The following EXOC4 variants were observed in gnomAD, a reference collection of about 807,000 sequenced individuals.
EXOC4 encodes the protein SEC8-like 1.
In EXOC4, 71 loss-of-function variants were observed where a neutral mutation model predicts 107.2. That is an observed-to-expected ratio of 0.66 (90% CI 0.55 to 0.81). The LOEUF is 0.81. EXOC4 is among the 30% of genes least tolerant of loss of function. The probability of loss-of-function intolerance (pLI) is 0.00; values close to 1 mark genes in which losing one functional copy is unlikely to be tolerated. For synonymous variants in EXOC4, 456 were observed against 441.2 expected (o/e 1.03, Z -0.42); for missense variants, 1,108 against 1,189.6 (o/e 0.93, Z 1.01).
intron 9 of EXOC4, among the ~76,000 whole-genome samples, chr7:133,513,936 C>T (rs906388816): frequency 1.3e-5 from 2 of 152,116 alleles, no homozygotes; most frequent in African/African-American, 4.8e-5. Flanking sequence ...TTGGCTGTTC[C>T]ATTGGGTAGT....
chr7:133,860,366 C>T (rs61250332), intron 11 of EXOC4, among the ~76,000 whole-genome samples: 1 of 152,300 alleles, frequency 6.6e-6, no homozygotes, highest in East Asian at 1.9e-4. Flanking sequence ...GCTAACAGAG[C>T]ATGAGAGAAC....
At chr7:133,941,821 T>TTCTCTCTCTCTCTCTGTC (rs1800435769) in intron 14 of EXOC4, among the ~76,000 whole-genome samples, 1 of 129,544 alleles carries the variant, frequency 7.7e-6, no homozygotes, top group African/African-American at 2.8e-5. Flanking sequence ...TGCTTACAGA[T>TTCTCTCTCTCTCTCTGTC]TCTCTCTCTC....
At chr7:133,522,018 A>G (rs1799991124) in intron 9 of EXOC4, among the ~76,000 whole-genome samples, 1 of 151,984 alleles carries the variant, frequency 6.6e-6, no homozygotes, top group Admixed American at 6.6e-5. Context: ...TGAGTAGTTT[A>G]TGACTCCTGT....
Position 133,963,502 on chromosome 7 carries a change from G to T in EXOC4, c.2206+25433G>T, listed in dbSNP as rs550040915. Reference sequence around the variant, plus strand: ...AACGCCAACACCTGAGGGTGTTTCTGACAAGGCAAGGAGTGAAAGGAAAGT... The same window carrying T: ...AACGCCAACACCTGAGGGTGTTTCTTACAAGGCAAGGAGTGAAAGGAAAGT... On this transcript the variant is annotated intron_variant, in intron 14 of 17. Transcript: ENST00000253861. Among the ~76,000 whole-genome samples the T allele has an allele frequency of 6.6e-5, 10 of 152,306 alleles. No individual in the cohort carries two copies. The South Asian group carries it at 1.7e-3, about 25-fold the overall frequency.
intron 10 of EXOC4, among the ~76,000 whole-genome samples, chr7:133,785,731 G>A (rs1185976123): frequency 3.3e-5 from 5 of 151,538 alleles, no homozygotes; most frequent in Non-Finnish European, 5.9e-5. Context: ...GGAGTGCAGT[G>A]GTGCTATCTC....
intron 15 of EXOC4, among the ~76,000 whole-genome samples, chr7:134,004,103 AT>A (rs1309742165): frequency 6.6e-6 from 1 of 151,904 alleles, no homozygotes; most frequent in Non-Finnish European, 1.5e-5. Flanking sequence ...TCTTTTAGTC[AT>A]TTTTTTCTTA....
the EXOC4 span, among the ~76,000 whole-genome samples, chr7:134,084,136 G>A: frequency 6.6e-6 from 1 of 152,160 alleles, no homozygotes. Context: ...AATCAGCCTG[G>A]AAACATGACT....
intron 10 of EXOC4, among the ~76,000 whole-genome samples, chr7:133,632,138 A>G (rs1802606791): frequency 6.6e-6 from 1 of 151,990 alleles, no homozygotes; most frequent in Non-Finnish European, 1.5e-5. Context: ...TTTGTAGAAG[A>G]CTCTGGTGGA....
At chr7:133,550,331 G>A (rs1800561065) in intron 9 of EXOC4, among the ~76,000 whole-genome samples, 2 of 152,074 alleles carry the variant, frequency 1.3e-5, no homozygotes, top group Admixed American at 6.6e-5. Context: ...TTTCATACCC[G>A]AATGTACTGT....
intron 14 of EXOC4, among the ~76,000 whole-genome samples, chr7:133,957,166 A>G (rs1478698873): frequency 1.3e-5 from 2 of 152,182 alleles, no homozygotes; most frequent in African/African-American, 2.4e-5. Flanking sequence ...TCATTTCTTC[A>G]TTAGAGATTA....
intron 9 of EXOC4, among the ~76,000 whole-genome samples, chr7:133,534,172 A>G (rs1800231886): frequency 6.6e-6 from 1 of 152,118 alleles, no homozygotes; most frequent in Admixed American, 6.6e-5. Flanking sequence ...CTTTGGTTCT[A>G]TGTATTCATG....
intron 10 of EXOC4, among the ~76,000 whole-genome samples, chr7:133,761,663 T>C (rs556023683): frequency 6.6e-6 from 1 of 152,218 alleles, no homozygotes; most frequent in Non-Finnish European, 1.5e-5. Flanking sequence ...CCCATCCCAC[T>C]GTATTGCCTG....
At chr7:133,324,455 C>CATTTTGTT (rs980483813) in intron 5 of EXOC4, among the ~76,000 whole-genome samples, 4 of 152,180 alleles carry the variant, frequency 2.6e-5, no homozygotes, top group Non-Finnish European at 5.9e-5. Context: ...TTTCTGCCTT[C>CATTTTGTT]ATTTTGTTAT....
chr7:133,855,125 A>AAATATATATC (rs1798340472), intron 11 of EXOC4, among the ~76,000 whole-genome samples: 3 of 72,366 alleles, frequency 4.1e-5, no homozygotes, highest in Non-Finnish European at 7.7e-5. Context: ...ATATATATAT[A>AAATATATATC]TAAATATATA....
At chr7:133,874,401 T>C (rs776182621) in intron 11 of EXOC4, among the ~76,000 whole-genome samples, 4 of 152,220 alleles carry the variant, frequency 2.6e-5, no homozygotes, top group Non-Finnish European at 5.9e-5. Context: ...AGTTCATTAG[T>C]TCTTCTCAAG....
intron 15 of EXOC4, among the ~76,000 whole-genome samples, chr7:133,999,504 C>A (rs1272119882): frequency 6.6e-6 from 1 of 152,116 alleles, no homozygotes; most frequent in Non-Finnish European, 1.5e-5. Context: ...AAATAAAGCT[C>A]TTTCTGTATA....
At chr7:133,408,858 T>G (rs1797288964) in intron 7 of EXOC4, among the ~76,000 whole-genome samples, 1 of 152,222 alleles carries the variant, frequency 6.6e-6, no homozygotes, top group African/African-American at 2.4e-5. Flanking sequence ...GGGACTAGTA[T>G]AAGATGGTCA....
rs78815810 is a variant in EXOC4 at position 133,473,706 on chromosome 7, G to T, written c.1183-1622G>T. On this transcript the variant is annotated intron_variant, in intron 7 of 17. Transcript: ENST00000253861. ...GAATGCACCAATATTACTGGGTCTT[G>T]TTTTTTTTTTTTAAAACGGAGCCTC... 2.0e-3 allele frequency among the ~76,000 whole-genome samples: 285 copies of T among 144,778 alleles called. 1 individual carries two copies. The highest frequency in any genetic ancestry group is 6.7e-3 in the African/African-American group (263 of 39,440). The allele number at this position is 144,778 out of a possible 152,430, so 95.0% of individuals were successfully genotyped here.
intron 9 of EXOC4, among the ~76,000 whole-genome samples, chr7:133,533,076 G>A (rs1800209875): frequency 6.6e-6 from 1 of 152,094 alleles, no homozygotes; most frequent in Admixed American, 6.6e-5. Context: ...GAAGCTCTGA[G>A]CAATGTATCT....
Sources: gnomAD v4.1 joint callset for allele counts (sites outside exome capture counted in the v4.1 genomes callset) on GRCh38, gnomAD v4.1.1 for gene constraint, MANE v1.5 for transcripts, NCBI Gene and HGNC (gene_info 2026-07-23, HGNC 2026-07-21) for gene names.